The following GPHN variants were observed in gnomAD, a reference collection of about 807,000 sequenced individuals.
GPHN encodes the protein gephyrin.
GPHN carries 17 observed loss-of-function variants against 95.5 expected under a neutral mutation model. The ratio of observed to expected loss-of-function variants is 0.18; its 90% CI spans 0.12 to 0.27. The LOEUF is 0.27. GPHN is among the 10% of genes least tolerant of loss of function. GPHN has a pLI of 1.00. For synonymous variants in GPHN, 320 were observed against 322.5 expected, an observed-to-expected ratio of 0.99 and a Z score of 0.08; for missense variants, 660 against 978.1, an observed-to-expected ratio of 0.67 and a Z score of 4.34.
chr14:67,334,895 T>C, the GPHN span: 1 of 152,234 alleles, frequency 6.6e-6, no homozygotes, highest in Non-Finnish European at 1.5e-5. Flanking sequence ...TGATCCTGCT[T>C]ATTGTAACTG....
At position 66,612,738 on chromosome 14, in the gene GPHN, C is replaced by G. The variant is rs140084992; in HGVS notation, c.65-68369C>G. Among the ~76,000 whole-genome samples the G allele has an allele frequency of 3.1e-3, 473 of 152,214 alleles. 3 individuals carry two copies. Among genetic ancestry groups the G allele is most frequent in the African/African-American group, 0.011 (447 of 41,570 alleles). On this transcript the variant is annotated intron_variant, in intron 1 of 22. Coordinates refer to ENST00000478722, the MANE Select transcript of GPHN (RefSeq NM_020806.5). The stretch of plus-strand genomic sequence containing the variant: ...TCTTTCCAGTCAGTCTTCCCACCCT[C>G]ATAGGACGGCTTTAACTTTTCTTCA...
Position 66,600,250 on chromosome 14 carries a change from C to T in GPHN, c.65-80857C>T, listed in dbSNP as rs578174647. Among the ~76,000 whole-genome samples, 5 of 152,014 alleles carry T rather than the reference C, an allele frequency of 3.3e-5. No homozygotes were observed. The South Asian group carries it at 1.0e-3, about 32-fold the overall frequency. ...ATTTTCTTCCTTTTTAAAACCTAGT[C>T]CTTATTTTTATTTTATTCAGGCACT... On this transcript the variant is annotated intron_variant, in intron 1 of 22. Coordinates refer to ENST00000478722, the MANE Select transcript of GPHN (RefSeq NM_020806.5).
chr14:66,989,789 G>A (rs1433808394), intron 9 of GPHN, among the ~76,000 whole-genome samples: 1 of 151,912 alleles, frequency 6.6e-6, no homozygotes, highest in Middle Eastern at 3.4e-3. Flanking sequence ...TACTACCCAA[G>A]TATACCTTAA....
At chr14:67,124,972 G>A (rs2079214653) in intron 17 of GPHN, among the ~76,000 whole-genome samples, 1 of 152,048 alleles carries the variant, frequency 6.6e-6, no homozygotes. Context: ...CCTAATAATG[G>A]TGATATTGCA....
chr14:67,596,034 T>C, the GPHN span, among the ~76,000 whole-genome samples: 2 of 152,238 alleles, frequency 1.3e-5, no homozygotes, highest in African/African-American at 4.8e-5. Flanking sequence ...CTAAGACCAA[T>C]GTATAATCTT....
At chr14:67,582,891 T>G in the GPHN span, among the ~76,000 whole-genome samples, 1 of 151,968 alleles carries the variant, frequency 6.6e-6, no homozygotes, top group African/African-American at 2.4e-5. The surrounding 1 kb of genome is among the most constrained non-coding windows in gnomAD (Gnocchi z 5.0). Context: ...CTCCACAGGG[T>G]TGTACTAAGT....
the GPHN span, among the ~76,000 whole-genome samples, chr14:67,670,008 T>C: frequency 6.6e-6 from 1 of 152,072 alleles, no homozygotes; most frequent in African/African-American, 2.4e-5. Context: ...GGTGGGAGGA[T>C]CACCTGAGCC....
At position 67,131,360 on chromosome 14, in the gene GPHN, A is replaced by T. The variant is rs190814110; in HGVS notation, c.1748+8983A>T. ...CTCCATGAATACTAGGACAAAGTGTATGTTGGTAAACACTATATCCACAGC... is the reference window on the plus strand; with the variant it reads ...CTCCATGAATACTAGGACAAAGTGTTTGTTGGTAAACACTATATCCACAGC... On this transcript the variant is annotated intron_variant, in intron 17 of 22. Coordinates refer to ENST00000478722, the MANE Select transcript of GPHN (RefSeq NM_020806.5). 1.5e-3 allele frequency among the ~76,000 whole-genome samples: 226 copies of T among 152,282 alleles called. No individual in the cohort carries two copies. The Middle Eastern group carries it at 0.02, about 14-fold the overall frequency.
chr14:66,801,596 CCTCTCT>C (rs148122581), intron 3 of GPHN, among the ~76,000 whole-genome samples: 2 of 141,456 alleles, frequency 1.4e-5, no homozygotes, highest in South Asian at 2.4e-4. Context: ...TCTCTCTCTC[CCTCTCT>C]CTCTCTCTCC....
intron 1 of GPHN, among the ~76,000 whole-genome samples, chr14:66,554,982 C>A (rs1467993759): frequency 6.6e-6 from 1 of 152,014 alleles, no homozygotes; most frequent in African/African-American, 2.4e-5. Flanking sequence ...ATGACAGTTG[C>A]CATGAAGGAA....
the GPHN span, among the ~76,000 whole-genome samples, chr14:67,679,438 C>T: frequency 6.1e-5 from 9 of 147,630 alleles, no homozygotes; most frequent in South Asian, 1.9e-3. Context: ...GAGTCTCACT[C>T]TGTCGCCCAG....
the GPHN span, among the ~76,000 whole-genome samples, chr14:67,560,727 CTTTT>C: frequency 2.0e-4 from 25 of 126,404 alleles, no homozygotes; most frequent in South Asian, 2.1e-3. Context: ...GAACATATAT[CTTTT>C]TTTTTTTTTT....
chr14:67,340,819 G>A, the GPHN span, among the ~76,000 whole-genome samples: 19 of 152,286 alleles, frequency 1.2e-4, no homozygotes, highest in African/African-American at 2.4e-4. Context: ...GATTGCAGGC[G>A]CGTGCCGCCA....
At chr14:67,341,054 C>A in the GPHN span, among the ~76,000 whole-genome samples, 1 of 152,222 alleles carries the variant, frequency 6.6e-6, no homozygotes, top group Non-Finnish European at 1.5e-5. Flanking sequence ...CCTGCCTTGG[C>A]CTCCCAAAGT....
At chr14:66,602,095 G>T (rs1313680707) in intron 1 of GPHN, among the ~76,000 whole-genome samples, 1 of 151,876 alleles carries the variant, frequency 6.6e-6, no homozygotes, top group Non-Finnish European at 1.5e-5. Context: ...AACCAGCAAA[G>T]TTCCTATCAC....
At chr14:67,580,406 CCTGG>C in the GPHN span, 1 of 168,120 alleles carries the variant, frequency 5.9e-6, no homozygotes, top group African/African-American at 2.4e-5. Flanking sequence ...GGATTACTGT[CCTGG>C]GGGATAAGTG....
At chr14:67,659,673 T>C in the GPHN span, 1 of 1,508,472 alleles carries the variant, frequency 6.6e-7, no homozygotes, top group South Asian at 1.3e-5. Flanking sequence ...ATATAGTTAA[T>C]TTTTGTACCA....
In GPHN at chr14:66,948,689, A is replaced by C. The variant is rs143702591; in HGVS notation, c.829-16502A>C. ...CTGGTTGTAATTGCTTAACTAGCAT[A>C]TTTCTATTTCAACACATCAAAACCT... On this transcript the variant is annotated intron_variant, in intron 8 of 22. Coordinates refer to ENST00000478722, the MANE Select transcript of GPHN (RefSeq NM_020806.5). Among the ~76,000 whole-genome samples, 3 of 152,342 alleles carry C rather than the reference A, an allele frequency of 2.0e-5. No homozygotes were observed. The East Asian group carries it at 5.8e-4, about 29-fold the overall frequency.
the GPHN span, among the ~76,000 whole-genome samples, chr14:67,532,583 T>C: frequency 6.6e-6 from 1 of 152,126 alleles, no homozygotes; most frequent in Non-Finnish European, 1.5e-5. Context: ...TGGGCCCTCC[T>C]TTAAAATAAC....
Sources: gnomAD v4.1 joint callset for allele counts (sites outside exome capture counted in the v4.1 genomes callset) on GRCh38, gnomAD v4.1.1 for gene constraint, Gnocchi (gnomAD v3.1) non-coding constraint, MANE v1.5 for transcripts, NCBI Gene and HGNC (gene_info 2026-07-23, HGNC 2026-07-21) for gene names.